The following CDH12 variants were observed in gnomAD, a reference collection of about 807,000 sequenced individuals.
CDH12 encodes cadherin 12, also known as cadherin-12.
A neutral mutation model predicts 74.1 loss-of-function variants in CDH12; 41 were observed. The observed-to-expected ratio is 0.55, with a 90% CI of 0.43 to 0.72. CDH12 has a LOEUF of 0.72. Among genes scored for constraint, CDH12 ranks in the 30% least tolerant of loss-of-function variants. The probability of loss-of-function intolerance (pLI) is 0.00; values close to 1 mark genes in which losing one functional copy is unlikely to be tolerated. For synonymous variants in CDH12, 399 were observed against 355.0 expected (o/e 1.12, Z -1.39); for missense variants, 945 against 977.2 (o/e 0.97, Z 0.44).
At chr5:22,158,346 T>C (rs1213987179) in intron 4 of CDH12, among the ~76,000 whole-genome samples, 1 of 152,034 alleles carries the variant, frequency 6.6e-6, no homozygotes, top group African/African-American at 2.4e-5. Context: ...CCTCATTATT[T>C]TTGCATATGA....
At chr5:22,088,334 C>T (rs1376089947) in intron 4 of CDH12, among the ~76,000 whole-genome samples, 3 of 152,128 alleles carry the variant, frequency 2.0e-5, no homozygotes, top group Non-Finnish European at 2.9e-5. Flanking sequence ...AGAACCAAGA[C>T]TTCCTTTTCC....
intron 3 of CDH12, among the ~76,000 whole-genome samples, chr5:22,248,576 CA>C (rs1416687485): frequency 6.6e-6 from 1 of 151,924 alleles, no homozygotes; most frequent in Admixed American, 6.6e-5. Context: ...CTCTGGATAC[CA>C]CACTTTGGAC....
At chr5:22,501,445 C>T (rs1163399468) in intron 2 of CDH12, among the ~76,000 whole-genome samples, 1 of 152,104 alleles carries the variant, frequency 6.6e-6, no homozygotes, top group East Asian at 1.9e-4. Flanking sequence ...ACTCTTTCGT[C>T]TGAATTAAAA....
chr5:22,552,822 CAAT>C (rs2126736174), intron 1 of CDH12, among the ~76,000 whole-genome samples: 1 of 152,032 alleles, frequency 6.6e-6, no homozygotes, highest in South Asian at 2.1e-4. Context: ...TTTTTTATCC[CAAT>C]GGATTCTGGC....
chr5:21,992,324 G>C (rs1757787887), intron 5 of CDH12, among the ~76,000 whole-genome samples: 1 of 152,126 alleles, frequency 6.6e-6, no homozygotes, highest in Non-Finnish European at 1.5e-5. Flanking sequence ...TTGAATGCCT[G>C]ACTGAAATAA....
intron 3 of CDH12, among the ~76,000 whole-genome samples, chr5:22,218,502 A>G (rs1239975293): frequency 6.6e-6 from 1 of 151,772 alleles, no homozygotes; most frequent in Non-Finnish European, 1.5e-5. Context: ...ATATAATTAC[A>G]TTTCTGTAGA....
intron 3 of CDH12, among the ~76,000 whole-genome samples, chr5:22,333,265 T>C (rs1013535262): frequency 6.6e-6 from 1 of 151,420 alleles, no homozygotes; most frequent in African/African-American, 2.4e-5. Context: ...AGTTGAATAA[T>C]GATAACACAT....
intron 1 of CDH12, among the ~76,000 whole-genome samples, chr5:22,585,442 A>G (rs914619997): frequency 3.9e-5 from 6 of 152,130 alleles, no homozygotes; most frequent in African/African-American, 1.4e-4. Context: ...GTATCTTTAA[A>G]CACTTCAGGA....
chr5:22,469,899 T>G (rs1745888089), intron 2 of CDH12, among the ~76,000 whole-genome samples: 1 of 152,186 alleles, frequency 6.6e-6, no homozygotes, highest in Non-Finnish European at 1.5e-5. Flanking sequence ...CTGCCAGAAC[T>G]TCAGGATAAT....
intron 2 of CDH12, among the ~76,000 whole-genome samples, chr5:22,484,268 G>C (rs2126629639): frequency 6.6e-6 from 1 of 152,202 alleles, no homozygotes; most frequent in Non-Finnish European, 1.5e-5. Context: ...TCTATCACCA[G>C]TGGCTTGCTT....
At chr5:22,059,036 A>T (rs1376495993) in intron 5 of CDH12, among the ~76,000 whole-genome samples, 1 of 152,130 alleles carries the variant, frequency 6.6e-6, no homozygotes, top group African/African-American at 2.4e-5. Context: ...CATAAGAAAA[A>T]CATTCAGTTT....
chr5:22,718,010 G>C (rs1177110522), intron 1 of CDH12, among the ~76,000 whole-genome samples: 3 of 152,098 alleles, frequency 2.0e-5, no homozygotes, highest in Admixed American at 2.0e-4. Flanking sequence ...TACAGCCCGA[G>C]AATCAGCTAA....
At chr5:22,574,189 C>T (rs1739671500) in intron 1 of CDH12, among the ~76,000 whole-genome samples, 1 of 147,600 alleles carries the variant, frequency 6.8e-6, no homozygotes, top group Admixed American at 7.0e-5. Context: ...AAGTGGTTCT[C>T]CTGTGTCAGC....
intron 2 of CDH12, among the ~76,000 whole-genome samples, chr5:22,447,242 G>A (rs544880024): frequency 1.3e-5 from 2 of 152,070 alleles, no homozygotes; most frequent in East Asian, 3.9e-4. Flanking sequence ...ATTTGCACCA[G>A]ATATCTTTTA....
At chr5:22,841,298 A>G (rs1255954744) in intron 1 of CDH12, among the ~76,000 whole-genome samples, 1 of 152,174 alleles carries the variant, frequency 6.6e-6, no homozygotes, top group Non-Finnish European at 1.5e-5. Flanking sequence ...AGTGAAATAG[A>G]GGACATAAAA....
chr5:22,381,568 A>G (rs1203676494), intron 3 of CDH12, among the ~76,000 whole-genome samples: 2 of 151,684 alleles, frequency 1.3e-5, no homozygotes, highest in East Asian at 1.9e-4. Context: ...GTCTCTTACT[A>G]TTCAGATGGT....
At chr5:22,360,009 C>A (rs1252306968) in intron 3 of CDH12, among the ~76,000 whole-genome samples, 2 of 151,964 alleles carry the variant, frequency 1.3e-5, no homozygotes, top group African/African-American at 2.4e-5. Flanking sequence ...CCTAACATCA[C>A]AATTAAAAGA....
At chr5:21,912,826 GA>G (rs35625786) in intron 6 of CDH12, among the ~76,000 whole-genome samples, 2 of 151,954 alleles carry the variant, frequency 1.3e-5, no homozygotes. Flanking sequence ...TGGCTTTGGG[GA>G]AAAAGGGTGC....
chr5:22,562,147 C>A (rs568302442), intron 1 of CDH12, among the ~76,000 whole-genome samples: 1 of 152,048 alleles, frequency 6.6e-6, no homozygotes, highest in Non-Finnish European at 1.5e-5. Flanking sequence ...GAAACCCCGT[C>A]TCTACTAAAA....
Sources: allele counts gnomAD v4.1 joint callset (sites outside exome capture counted in the v4.1 genomes callset), GRCh38; gene constraint gnomAD v4.1.1; transcripts MANE v1.5; gene names NCBI Gene and HGNC (gene_info 2026-07-23, HGNC 2026-07-21).